Variants in TENM1 observed in about 807,000 individuals in gnomAD.
TENM1 encodes teneurin transmembrane protein 1.
TENM1 carries 35 observed loss-of-function variants against 174.8 expected under a neutral mutation model. The ratio of observed to expected loss-of-function variants is 0.20; its 90% confidence interval spans 0.15 to 0.27. The LOEUF (loss-of-function observed/expected upper bound fraction) is 0.27, where lower values mean the gene tolerates loss of function less well. Among genes scored for constraint, TENM1 ranks in the 10% least tolerant of loss-of-function variants. TENM1 has a pLI of 1.00. For missense variants in TENM1, 1,633 were observed against 2,130.1 expected (o/e 0.77, Z 4.59); for synonymous variants, 781 against 798.7 (o/e 0.98, Z 0.37).
chrX:125,036,490 T>C, the TENM1 span, among the ~76,000 whole-genome samples: 1 of 111,428 alleles, frequency 9.0e-6, no homozygotes, highest in Non-Finnish European at 1.9e-5. Flanking sequence ...GCTTTAATAG[T>C]GTTGGGCAGA....
intron 3 of TENM1, among the ~76,000 whole-genome samples, chrX:124,820,971 T>C (rs779980828): frequency 1.1e-3 from 119 of 112,466 alleles, no homozygotes; most frequent in African/African-American, 3.4e-3. Flanking sequence ...ATCTCCCTTC[T>C]TTACGTAACC....
At chrX:124,818,062 T>G (rs2055946770) in intron 3 of TENM1, among the ~76,000 whole-genome samples, 2 of 110,805 alleles carry the variant, frequency 1.8e-5, no homozygotes, top group South Asian at 7.7e-4. Flanking sequence ...TTAATTGCAA[T>G]TAAAAGGATT....
intron 15 of TENM1, among the ~76,000 whole-genome samples, chrX:124,536,206 A>G (rs973643091): frequency 8.9e-6 from 1 of 111,934 alleles, no homozygotes; most frequent in South Asian, 3.7e-4. Flanking sequence ...AACCTGGTAC[A>G]GCACTATGAA....
the TENM1 span, among the ~76,000 whole-genome samples, chrX:125,034,137 T>C: frequency 5.4e-5 from 6 of 111,442 alleles, no homozygotes; most frequent in Non-Finnish European, 1.1e-4. Context: ...CAAGAGCTCT[T>C]GACTCCCTAG....
At chrX:124,979,911 T>A in the TENM1 span, among the ~76,000 whole-genome samples, 18 of 112,077 alleles carry the variant, frequency 1.6e-4, no homozygotes, top group Non-Finnish European at 3.0e-4. Flanking sequence ...ATTTATGAGA[T>A]CATTTGGGGA....
intron 3 of TENM1, among the ~76,000 whole-genome samples, chrX:124,866,107 C>T (rs191114109): frequency 1.6e-4 from 18 of 111,823 alleles, no homozygotes; most frequent in African/African-American, 5.5e-4. Flanking sequence ...ATCTTCCAGA[C>T]AGAAAATCAA....
At chrX:124,471,178 CTA>C (rs1280247189) in intron 22 of TENM1, among the ~76,000 whole-genome samples, 1 of 66,398 alleles carries the variant, frequency 1.5e-5, no homozygotes, top group African/African-American at 5.9e-5. Flanking sequence ...ATATATAGTA[CTA>C]TATAATATAT....
chrX:125,166,579 G>T, the TENM1 span, among the ~76,000 whole-genome samples: 1 of 111,494 alleles, frequency 9.0e-6, no homozygotes, highest in East Asian at 2.8e-4. Context: ...AATCTTACAA[G>T]GAGATTTTTG....
At chrX:124,722,559 G>A (rs1413062777) in intron 4 of TENM1, among the ~76,000 whole-genome samples, 1 of 110,929 alleles carries the variant, frequency 9.0e-6, no homozygotes, top group African/African-American at 3.3e-5. Flanking sequence ...TCCCCAGCTC[G>A]GCCAGGCGTG....
chrX:124,576,945 T>A (rs967978770), intron 11 of TENM1, among the ~76,000 whole-genome samples: 5 of 112,076 alleles, frequency 4.5e-5, no homozygotes, highest in Admixed American at 9.5e-5. Context: ...AAAGAAACTC[T>A]ACAAACCAAA....
At chrX:124,450,325 A>C in intron 23 of TENM1, among the ~76,000 whole-genome samples, 1 of 99,172 alleles carries the variant, frequency 1.0e-5, no homozygotes. Flanking sequence ...GCGCCACTGC[A>C]CTCCCGCCTG....
chrX:125,169,139 A>G, the TENM1 span, among the ~76,000 whole-genome samples: 1 of 111,146 alleles, frequency 9.0e-6, no homozygotes, highest in East Asian at 2.8e-4. Flanking sequence ...AAGCTGAAAT[A>G]AATTGTTTCT....
At chrX:124,626,857 T>C (rs947587289) in intron 11 of TENM1, among the ~76,000 whole-genome samples, 5 of 112,119 alleles carry the variant, frequency 4.5e-5, no homozygotes, top group African/African-American at 1.3e-4. Flanking sequence ...ATCCTGCTGA[T>C]ACTGAATAGT....
chrX:124,875,664 T>C (rs945234948), intron 3 of TENM1, among the ~76,000 whole-genome samples: 19 of 109,053 alleles, frequency 1.7e-4, no homozygotes, highest in African/African-American at 5.7e-4. Context: ...TGGCTTGAGC[T>C]CAGGAGCTCA....
the TENM1 span, among the ~76,000 whole-genome samples, chrX:125,055,473 T>G: frequency 3.6e-5 from 4 of 111,905 alleles, no homozygotes; most frequent in Non-Finnish European, 5.6e-5. Flanking sequence ...ATTCTCAGAT[T>G]AGGAGTTCCT....
At chrX:125,040,112 T>C in the TENM1 span, among the ~76,000 whole-genome samples, 1 of 111,693 alleles carries the variant, frequency 9.0e-6, no homozygotes, top group Non-Finnish European at 1.9e-5. Flanking sequence ...CAAAGGGTTG[T>C]AGTTTTTGAA....
chrX:125,193,049 A>G, the TENM1 span, among the ~76,000 whole-genome samples: 12 of 109,438 alleles, frequency 1.1e-4, no homozygotes, highest in African/African-American at 3.7e-4. Flanking sequence ...CCCAAATGGC[A>G]TTTATAAAAT....
chrX:125,044,212 T>TA, the TENM1 span, among the ~76,000 whole-genome samples: 24 of 74,842 alleles, frequency 3.2e-4, no homozygotes, highest in East Asian at 3.8e-4. Context: ...TAAAAAAAAA[T>TA]AAAAAAAAAA....
At chrX:125,174,551 TG>T in the TENM1 span, among the ~76,000 whole-genome samples, 1 of 111,564 alleles carries the variant, frequency 9.0e-6, no homozygotes, top group Non-Finnish European at 1.9e-5. Context: ...CACTATATTG[TG>T]GCCCTTTCTA....
Sources: gnomAD v4.1 joint callset for allele counts (sites outside exome capture counted in the v4.1 genomes callset) on GRCh38, gnomAD v4.1.1 for gene constraint, MANE v1.5 for transcripts, NCBI Gene and HGNC (gene_info 2026-07-23, HGNC 2026-07-21) for gene names.